The following ARB2A variants were observed in gnomAD, a reference collection of about 807,000 sequenced individuals.
ARB2A encodes cotranscriptional regulator ARB2A.
the ARB2A span, among the ~76,000 whole-genome samples, chr5:93,657,622 A>G: frequency 6.6e-6 from 1 of 152,186 alleles, no homozygotes; most frequent in Non-Finnish European, 1.5e-5. Flanking sequence ...AGACACTGTT[A>G]GGCAATGGGC....
the ARB2A span, among the ~76,000 whole-genome samples, chr5:93,971,366 G>A: frequency 6.6e-6 from 1 of 151,918 alleles, no homozygotes; most frequent in African/African-American, 2.4e-5. Flanking sequence ...TCAGGCGTTC[G>A]AAACCAGCCT....
the ARB2A span, among the ~76,000 whole-genome samples, chr5:93,764,593 C>A: frequency 6.6e-6 from 1 of 152,294 alleles, no homozygotes; most frequent in Non-Finnish European, 1.5e-5. Context: ...CAGACAGATT[C>A]ACAGCCGAAC....
chr5:93,632,984 G>T, the ARB2A span, among the ~76,000 whole-genome samples: 1 of 152,162 alleles, frequency 6.6e-6, no homozygotes, highest in African/African-American at 2.4e-5. Flanking sequence ...GGAATACACT[G>T]TCATAATATT....
the ARB2A span, among the ~76,000 whole-genome samples, chr5:94,063,302 C>T: frequency 6.6e-6 from 1 of 152,124 alleles, no homozygotes; most frequent in East Asian, 1.9e-4. Flanking sequence ...CAGAATGGGC[C>T]CATCCAATTG....
chr5:94,053,458 T>C, the ARB2A span, among the ~76,000 whole-genome samples: 2 of 152,160 alleles, frequency 1.3e-5, no homozygotes, highest in African/African-American at 4.8e-5. Context: ...TCAGATTCTA[T>C]ACACCATTAT....
At chr5:93,852,459 C>T in the ARB2A span, among the ~76,000 whole-genome samples, 3 of 152,088 alleles carry the variant, frequency 2.0e-5, no homozygotes, top group Admixed American at 6.6e-5. Flanking sequence ...TTTAGTTTCA[C>T]TAGATCCCAT....
the ARB2A span, among the ~76,000 whole-genome samples, chr5:93,898,577 A>G: frequency 6.6e-6 from 1 of 152,108 alleles, no homozygotes; most frequent in Admixed American, 6.6e-5. Flanking sequence ...CCAATTGTCC[A>G]TGTTATGTAC....
the ARB2A span, among the ~76,000 whole-genome samples, chr5:93,762,974 T>C: frequency 5.6e-3 from 851 of 152,176 alleles, 7 homozygotes; most frequent in African/African-American, 0.02. Flanking sequence ...GAAGGAGAAA[T>C]AAAATCCTTT....
the ARB2A span, among the ~76,000 whole-genome samples, chr5:94,044,080 T>C: frequency 6.6e-6 from 1 of 152,204 alleles, no homozygotes; most frequent in Non-Finnish European, 1.5e-5. Flanking sequence ...AATGAACCAG[T>C]GGTCTCTGAC....
the ARB2A span, among the ~76,000 whole-genome samples, chr5:93,761,302 C>G: frequency 6.6e-6 from 1 of 152,266 alleles, no homozygotes; most frequent in East Asian, 1.9e-4. Flanking sequence ...AATTCCCTTT[C>G]CTAGTCAAAG....
chr5:94,053,590 TTTACGAATAAAGAAAC>T, the ARB2A span, among the ~76,000 whole-genome samples: 41 of 152,278 alleles, frequency 2.7e-4, 2 homozygotes, highest in East Asian at 2.1e-3. Flanking sequence ...AACTGAAACA[TTTACGAATAAAGAAAC>T]TTATAAATGT....
the ARB2A span, chr5:93,741,678 C>G: frequency 7.9e-7 from 1 of 1,262,676 alleles, no homozygotes; most frequent in Admixed American, 2.9e-5. Flanking sequence ...GCGTTACAAG[C>G]CAAGGGTGCC....
the ARB2A span, among the ~76,000 whole-genome samples, chr5:93,850,718 G>A: frequency 6.6e-6 from 1 of 151,990 alleles, no homozygotes; most frequent in Non-Finnish European, 1.5e-5. Flanking sequence ...ATATCTAATG[G>A]CTGTTATTTG....
the ARB2A span, among the ~76,000 whole-genome samples, chr5:93,851,638 G>A: frequency 2.0e-5 from 3 of 152,074 alleles, no homozygotes; most frequent in African/African-American, 7.2e-5. Context: ...AGAGTGTGAT[G>A]TTCCCCTTCC....
chr5:93,821,164 C>T, the ARB2A span, among the ~76,000 whole-genome samples: 1 of 152,076 alleles, frequency 6.6e-6, no homozygotes. Flanking sequence ...TGAAACTGTA[C>T]TTGCTACAAT....
chr5:93,776,210 A>C, the ARB2A span: 1 of 1,612,238 alleles, frequency 6.2e-7, no homozygotes, highest in African/African-American at 1.3e-5. Flanking sequence ...GATGTGTCTA[A>C]TGGTTCTGAG....
At chr5:94,081,227 G>T in the ARB2A span, among the ~76,000 whole-genome samples, 13 of 152,138 alleles carry the variant, frequency 8.5e-5, no homozygotes, top group Admixed American at 2.0e-4. Context: ...CTGATATATT[G>T]CTAGTGTGAC....
At chr5:93,857,948 A>G in the ARB2A span, among the ~76,000 whole-genome samples, 1 of 152,162 alleles carries the variant, frequency 6.6e-6, no homozygotes, top group East Asian at 1.9e-4. Context: ...CATTACATGT[A>G]TTTTATAAAT....
the ARB2A span, among the ~76,000 whole-genome samples, chr5:93,839,960 C>A: frequency 6.6e-6 from 1 of 151,886 alleles, no homozygotes; most frequent in African/African-American, 2.4e-5. Flanking sequence ...AATTTTTTCA[C>A]CAAACCAATT....
Sources: gnomAD v4.1 joint callset for allele counts (sites outside exome capture counted in the v4.1 genomes callset) on GRCh38, gnomAD v4.1.1 for gene constraint, MANE v1.5 for transcripts, NCBI Gene and HGNC (gene_info 2026-07-23, HGNC 2026-07-21) for gene names.